Variants in TINAG observed in about 807,000 individuals in gnomAD.
TINAG encodes tubulointerstitial nephritis antigen.
A neutral mutation model predicts 72.7 loss-of-function variants in TINAG; 83 were observed. That is an observed-to-expected ratio of 1.14 (90% CI 0.96 to 1.37). The LOEUF (loss-of-function observed/expected upper bound fraction) is 1.37. Among genes scored for constraint, TINAG ranks in the 40% most tolerant of loss-of-function variants. The pLI is 0.00. For synonymous variants in TINAG, 234 were observed against 189.9 expected (o/e 1.23, Z -1.91); for missense variants, 685 against 576.6 (o/e 1.19, Z -1.93).
At chr6:54,355,836 A>G (rs1179172950) in intron 9 of TINAG, among the ~76,000 whole-genome samples, 1 of 151,610 alleles carries the variant, frequency 6.6e-6, no homozygotes, top group Non-Finnish European at 1.5e-5. Flanking sequence ...ATAACTATTG[A>G]GAAACAAAGA....
intron 1 of TINAG, 132 bp downstream of exon 1, chr6:54,309,037 T>A: frequency 1.1e-6 from 1 of 918,366 alleles, no homozygotes; most frequent in Non-Finnish European, 1.6e-6. Flanking sequence ...ATTGAGAAAA[T>A]ACATTTCTTT....
At chr6:54,381,300 C>G (rs548083778) in intron 10 of TINAG, among the ~76,000 whole-genome samples, 1 of 151,714 alleles carries the variant, frequency 6.6e-6, no homozygotes, top group South Asian at 2.1e-4. Flanking sequence ...CATATTACCT[C>G]AAATATTCGG....
At chr6:54,347,723 A>G (rs1266757143) in intron 6 of TINAG, among the ~76,000 whole-genome samples, 2 of 152,038 alleles carry the variant, frequency 1.3e-5, no homozygotes, top group Non-Finnish European at 2.9e-5. Flanking sequence ...CTCCTGAAGA[A>G]CGTATACATT....
chr6:54,380,461 A>G, intron 9 of TINAG, 65 bp from the exon 10 acceptor site: 1 of 1,364,812 alleles, frequency 7.3e-7, no homozygotes, highest in East Asian at 2.4e-5. Context: ...AATAATCTGC[A>G]TTCTCTCAAG....
At chr6:54,346,582 T>C (rs2150957161) in intron 5 of TINAG, among the ~76,000 whole-genome samples, 1 of 151,656 alleles carries the variant, frequency 6.6e-6, no homozygotes, top group South Asian at 2.1e-4. Context: ...TATATGTAAC[T>C]AATAGTATTA....
Position 54,354,555 on chromosome 6 carries a change from G to C in TINAG, c.1169G>C (p.Gly390Ala). ...GAAGATTTCTTCCATTATAAGACAG[G>C]GATATACAGACATGTTACCAGCACA... ...VREDFFHYKT[G>A]IYRHVTSTNK... The change falls in exon 9 of 11, where the codon GGG (glycine) becomes GCG (alanine). Residue 390 changes from glycine (G) to alanine (A), a missense_variant. Coordinates refer to ENST00000259782, the MANE Select transcript of TINAG (RefSeq NM_014464.4). The C allele has an allele frequency of 6.2e-7, 1 of 1,609,030 alleles. No homozygotes were observed. Among genetic ancestry groups the C allele is most frequent in the Non-Finnish European group, 8.5e-7 (1 of 1,177,180 alleles).
intron 4 of TINAG, among the ~76,000 whole-genome samples, chr6:54,328,431 A>G (rs1960583): frequency 2.6e-5 from 4 of 151,948 alleles, no homozygotes; most frequent in African/African-American, 9.7e-5. Flanking sequence ...ATCAACATCA[A>G]AAAAAGGACA....
chr6:54,333,243 A>G (rs1784783775), intron 4 of TINAG, among the ~76,000 whole-genome samples: 1 of 152,200 alleles, frequency 6.6e-6, no homozygotes, highest in Non-Finnish European at 1.5e-5. Flanking sequence ...AATGGACTGG[A>G]TAAAGAAAAT....
In TINAG at chr6:54,326,731, A is replaced by T. The variant is rs553689290; in HGVS notation, c.510-71A>T. The T allele has an allele frequency of 6.2e-5, 68 of 1,090,212 alleles. No homozygotes were observed. The African/African-American group carries it at 9.8e-4, about 16-fold the overall frequency. 67.5% of individuals were successfully genotyped at this position (1,090,212 alleles called of 1,614,324 possible). A position where few individuals can be genotyped will look rare whatever the true frequency, so the allele number is the denominator to read the frequency against. On this transcript the variant is annotated intron_variant, in intron 3 of 10. Transcript: ENST00000259782. ...TTAAATTTCAGAAATATAAAGGAAA[A>T]TGTATTTATAAAAGTGATGTCATAT...
intron 5 of TINAG, among the ~76,000 whole-genome samples, chr6:54,345,990 A>T (rs1562164167): frequency 6.6e-6 from 1 of 152,222 alleles, no homozygotes; most frequent in East Asian, 1.9e-4. Context: ...AAAGGTTATT[A>T]TTTTGTTGCC....
At chr6:54,366,371 T>G (rs940035766) in intron 9 of TINAG, among the ~76,000 whole-genome samples, 1 of 151,622 alleles carries the variant, frequency 6.6e-6, no homozygotes, top group African/African-American at 2.4e-5. Flanking sequence ...TACTAGAAAA[T>G]TCTTTAGGAT....
intron 1 of TINAG, among the ~76,000 whole-genome samples, chr6:54,319,863 A>C (rs1317892656): frequency 1.3e-5 from 2 of 152,168 alleles, no homozygotes; most frequent in Non-Finnish European, 2.9e-5. Flanking sequence ...TGAGCAGATT[A>C]TATTTTCAAA....
intron 10 of TINAG, among the ~76,000 whole-genome samples, chr6:54,381,358 CTT>C (rs11304981): frequency 6.6e-6 from 1 of 151,426 alleles, no homozygotes; most frequent in Non-Finnish European, 1.5e-5. Flanking sequence ...ATATTATATA[CTT>C]TTTTTATACA....
chr6:54,384,210 G>A (rs1764030783), intron 10 of TINAG, among the ~76,000 whole-genome samples: 2 of 152,188 alleles, frequency 1.3e-5, no homozygotes, highest in African/African-American at 4.8e-5. Flanking sequence ...TTCACGGGTG[G>A]GGGGCTAGGA....
At chr6:54,310,333 A>C (rs1784210757) in intron 1 of TINAG, among the ~76,000 whole-genome samples, 1 of 151,410 alleles carries the variant, frequency 6.6e-6, no homozygotes, top group Non-Finnish European at 1.5e-5. Context: ...CTATCCTCCC[A>C]CCTTGACCTC....
At chr6:54,333,532 G>T (rs960161580) in intron 4 of TINAG, among the ~76,000 whole-genome samples, 5 of 151,698 alleles carry the variant, frequency 3.3e-5, no homozygotes, top group Non-Finnish European at 5.9e-5. Flanking sequence ...TGGATTGATG[G>T]GTGCAGCAAA....
At chr6:54,378,533 T>G (rs1203687287) in intron 9 of TINAG, among the ~76,000 whole-genome samples, 1 of 152,196 alleles carries the variant, frequency 6.6e-6, no homozygotes, top group Non-Finnish European at 1.5e-5. Flanking sequence ...AATTATTTTT[T>G]GGAAAATTGT....
Position 54,355,617 on chromosome 6 carries a change from G to A in TINAG, c.1250+981G>A, listed in dbSNP as rs560751936. On this transcript the variant is annotated intron_variant, in intron 9 of 10. Coordinates refer to ENST00000259782, the MANE Select transcript of TINAG (RefSeq NM_014464.4). ...ATAATACTAATTTTATGACTGTGCT[G>A]ATTTCATGAATATGAAAATACATGT... Among the ~76,000 whole-genome samples the A allele has an allele frequency of 3.6e-4, 55 of 151,742 alleles. No homozygotes were observed. In the South Asian group the frequency reaches 0.011, roughly 31 times the overall value.
intron 1 of TINAG, 124 bp downstream of exon 1, chr6:54,309,029 T>C (rs1784178860): frequency 2.1e-6 from 2 of 942,344 alleles, no homozygotes; most frequent in African/African-American, 3.3e-5. Context: ...TTATTGTGAT[T>C]GAGAAAATAC....
Sources: gnomAD v4.1 joint callset for allele counts (sites outside exome capture counted in the v4.1 genomes callset) on GRCh38, gnomAD v4.1.1 for gene constraint, MANE v1.5 for transcripts, NCBI Gene and HGNC (gene_info 2026-07-23, HGNC 2026-07-21) for gene names.